FOXP2: variants seen among roughly 807,000 people sequenced by gnomAD.
FOXP2 encodes forkhead box P2, also known as forkhead box protein P2.
FOXP2 carries 12 observed loss-of-function variants against 115.8 expected under a neutral mutation model. That is an observed-to-expected ratio of 0.10 (90% CI 0.07 to 0.17). The LOEUF (loss-of-function observed/expected upper bound fraction) is 0.17, where lower values mean the gene tolerates loss of function less well. FOXP2 is among the 10% of genes least tolerant of loss of function. The pLI, the probability that FOXP2 is intolerant of heterozygous loss-of-function variation, is 1.00. For missense variants in FOXP2, 629 were observed against 843.5 expected (o/e 0.75, Z 3.15); for synonymous variants, 328 against 297.7 (o/e 1.10, Z -1.05).
intron 2 of FOXP2, among the ~76,000 whole-genome samples, chr7:114,514,086 TACACAC>T (rs141664873): frequency 0.032 from 4,776 of 148,496 alleles, 88 homozygotes; most frequent in South Asian, 0.045. Flanking sequence ...TTGTATCTTA[TACACAC>T]ACACACACAC....
At chr7:114,440,357 T>C (rs577096818) in intron 2 of FOXP2, among the ~76,000 whole-genome samples, 1 of 152,342 alleles carries the variant, frequency 6.6e-6, no homozygotes, top group East Asian at 1.9e-4. Flanking sequence ...ATAATTCAAA[T>C]ATATCCCCCT....
intron 2 of FOXP2, among the ~76,000 whole-genome samples, chr7:114,401,545 A>G (rs973520095): frequency 1.3e-5 from 2 of 152,132 alleles, no homozygotes; most frequent in African/African-American, 2.4e-5. Flanking sequence ...GGCATTATCA[A>G]TCACGTGTCA....
At chr7:114,238,827 A>C (rs61106006) in intron 1 of FOXP2, among the ~76,000 whole-genome samples, 1 of 151,624 alleles carries the variant, frequency 6.6e-6, no homozygotes. Context: ...AACCTCTGTA[A>C]TAATATATTC....
At chr7:114,496,501 C>A (rs184240631) in intron 2 of FOXP2, among the ~76,000 whole-genome samples, 2 of 152,056 alleles carry the variant, frequency 1.3e-5, no homozygotes, top group Non-Finnish European at 2.9e-5. Context: ...CAGAAGGTAA[C>A]ATATTTACTG....
chr7:114,238,765 C>G (rs1171582231), intron 1 of FOXP2, among the ~76,000 whole-genome samples: 1 of 129,210 alleles, frequency 7.7e-6, no homozygotes, highest in Non-Finnish European at 1.7e-5. Flanking sequence ...GAGCTAGACT[C>G]TATCTGGGAA....
intron 2 of FOXP2, among the ~76,000 whole-genome samples, chr7:114,530,841 T>A (rs1799110006): frequency 6.6e-6 from 1 of 151,866 alleles, no homozygotes; most frequent in Non-Finnish European, 1.5e-5. Flanking sequence ...AATGATGTTT[T>A]CAGTAAGTAT....
chr7:114,390,707 G>A (rs536258131), intron 2 of FOXP2, among the ~76,000 whole-genome samples: 16 of 151,900 alleles, frequency 1.1e-4, no homozygotes, highest in South Asian at 6.3e-4. Flanking sequence ...GCTGCCTATG[G>A]CTACACCTAG....
intron 1 of FOXP2, among the ~76,000 whole-genome samples, chr7:114,224,814 C>T (rs1410694423): frequency 6.6e-6 from 1 of 152,066 alleles, no homozygotes; most frequent in Non-Finnish European, 1.5e-5. Context: ...CATAGCATGC[C>T]TGGCTATTCC....
intron 3 of FOXP2, among the ~76,000 whole-genome samples, chr7:114,617,680 C>G (rs1055772009): frequency 4.6e-5 from 7 of 152,152 alleles, no homozygotes; most frequent in Non-Finnish European, 7.3e-5. Context: ...GTAATCCCAG[C>G]TATTCCGGAG....
intron 2 of FOXP2, among the ~76,000 whole-genome samples, chr7:114,355,260 T>C (rs1002853601): frequency 6.6e-6 from 1 of 152,116 alleles, no homozygotes; most frequent in Non-Finnish European, 1.5e-5. Context: ...AAGTACCAGG[T>C]GAATTTGGCC....
chr7:114,309,113 T>G (rs535364671), intron 2 of FOXP2, among the ~76,000 whole-genome samples: 1 of 152,294 alleles, frequency 6.6e-6, no homozygotes, highest in East Asian at 1.9e-4. Flanking sequence ...AGAGAGCAGG[T>G]TTGTTCACTT....
intron 1 of FOXP2, among the ~76,000 whole-genome samples, chr7:114,265,674 C>T (rs1465839486): frequency 6.6e-6 from 1 of 152,070 alleles, no homozygotes; most frequent in Non-Finnish European, 1.5e-5. Flanking sequence ...TAGAGGTTCT[C>T]GGTGGGGACT....
Position 114,498,132 on chromosome 7 carries a change from G to A in FOXP2, c.169-36485G>A, listed in dbSNP as rs181767534. On this transcript the variant is annotated intron_variant, in intron 2 of 16. Transcript: ENST00000350908. ...AATCCGTTGCTTAGTTAATATAGAG[G>A]TTTTCTTTCTTAAATTTGGTTTCAC... Among the ~76,000 whole-genome samples the A allele has an allele frequency of 1.5e-3, 230 of 152,160 alleles. 2 individuals carry two copies. The highest frequency in any genetic ancestry group is 5.1e-3 in the African/African-American group (211 of 41,512).
chr7:114,506,322 G>A (rs1275814811), intron 2 of FOXP2, among the ~76,000 whole-genome samples: 1 of 151,300 alleles, frequency 6.6e-6, no homozygotes, highest in Non-Finnish European at 1.5e-5. Context: ...TTTCTACTTT[G>A]TCTTTATGTT....
chr7:114,238,585 C>T (rs1009596674), intron 1 of FOXP2, among the ~76,000 whole-genome samples: 1 of 152,058 alleles, frequency 6.6e-6, no homozygotes, highest in African/African-American at 2.4e-5. Context: ...CCAGCCTCGT[C>T]AACATGGCGA....
chr7:114,149,369 A>G (rs1234471517), intron 1 of FOXP2, among the ~76,000 whole-genome samples: 1 of 152,064 alleles, frequency 6.6e-6, no homozygotes, highest in Non-Finnish European at 1.5e-5. Context: ...AATATGTAAT[A>G]TGTGATTATT....
intron 1 of FOXP2, among the ~76,000 whole-genome samples, chr7:114,419,488 G>A (rs1793500769): frequency 6.6e-6 from 1 of 151,770 alleles, no homozygotes; most frequent in African/African-American, 2.4e-5. Flanking sequence ...TGATGCCAGA[G>A]TATAAATTAC....
At chr7:114,616,723 T>C (rs1421104087) in intron 3 of FOXP2, among the ~76,000 whole-genome samples, 1 of 152,176 alleles carries the variant, frequency 6.6e-6, no homozygotes, top group Admixed American at 6.5e-5. Flanking sequence ...ACTTTAACTA[T>C]CATTGATATG....
intron 2 of FOXP2, among the ~76,000 whole-genome samples, chr7:114,495,753 C>T (rs1258210818): frequency 1.3e-5 from 2 of 151,842 alleles, no homozygotes; most frequent in African/African-American, 2.4e-5. Flanking sequence ...ATGATCTGCC[C>T]GCCTCAGCCT....
Sources: gnomAD v4.1 joint callset for allele counts (sites outside exome capture counted in the v4.1 genomes callset) on GRCh38, gnomAD v4.1.1 for gene constraint, MANE v1.5 for transcripts, NCBI Gene and HGNC (gene_info 2026-07-23, HGNC 2026-07-21) for gene names.